Variants in SLC20A2 observed in about 807,000 individuals in gnomAD.
The protein encoded by SLC20A2 is sodium-dependent phosphate transporter 2.
A neutral mutation model predicts 61.0 loss-of-function variants in SLC20A2; 30 were observed. The ratio of observed to expected loss-of-function variants is 0.49; its 90% confidence interval spans 0.37 to 0.67. SLC20A2 has a LOEUF of 0.67. Ranked by LOEUF, SLC20A2 falls within the 30% of genes least tolerant of loss-of-function variation. SLC20A2 has a pLI of 0.00. For synonymous variants in SLC20A2, 351 were observed against 353.3 expected, an observed-to-expected ratio of 0.99 and a Z score of 0.07; for missense variants, 626 against 866.4, an observed-to-expected ratio of 0.72 and a Z score of 3.48.
At chr8:42,455,845 A>G (rs1477820662) in intron 5 of SLC20A2, among the ~76,000 whole-genome samples, 1 of 152,182 alleles carries the variant, frequency 6.6e-6, no homozygotes, top group Non-Finnish European at 1.5e-5. Context: ...GACCTTGGGT[A>G]TTCAGCATTG....
At chr8:42,480,116 G>A (rs1312665522) in intron 1 of SLC20A2, among the ~76,000 whole-genome samples, 1 of 152,184 alleles carries the variant, frequency 6.6e-6, no homozygotes, top group Non-Finnish European at 1.5e-5. Context: ...GAAATATTAG[G>A]TAGCCACTAC....
chr8:42,481,846 CCT>C (rs1808577541), intron 1 of SLC20A2, among the ~76,000 whole-genome samples: 1 of 152,172 alleles, frequency 6.6e-6, no homozygotes, highest in Non-Finnish European at 1.5e-5. Context: ...CCTTCCCTGC[CCT>C]TTTTCCTTCC....
intron 6 of SLC20A2, 106 bp from the exon 7 acceptor site, chr8:42,439,759 G>A: frequency 3.4e-6 from 3 of 889,484 alleles, no homozygotes; most frequent in African/African-American, 3.4e-5. Context: ...CACTGATTTT[G>A]GAAACAAAAA....
intron 1 of SLC20A2, among the ~76,000 whole-genome samples, chr8:42,512,062 G>A (rs1201486082): frequency 6.6e-6 from 1 of 152,138 alleles, no homozygotes; most frequent in African/African-American, 2.4e-5. Flanking sequence ...GATAGTCATG[G>A]TTGATTGTAG....
chr8:42,485,855 A>C (rs972283034), intron 1 of SLC20A2, among the ~76,000 whole-genome samples: 2 of 151,456 alleles, frequency 1.3e-5, no homozygotes, highest in Non-Finnish European at 2.9e-5. Context: ...CTGAGGCAGG[A>C]GAATCGCTTG....
intron 1 of SLC20A2, among the ~76,000 whole-genome samples, chr8:42,486,001 G>C (rs1030281831): frequency 6.6e-6 from 1 of 151,334 alleles, no homozygotes; most frequent in African/African-American, 2.4e-5. Flanking sequence ...GGTCAGCATA[G>C]AGCTTTCTTA....
chr8:42,533,481 T>C (rs1050284154), intron 1 of SLC20A2, among the ~76,000 whole-genome samples: 2 of 151,848 alleles, frequency 1.3e-5, no homozygotes, highest in Non-Finnish European at 2.9e-5. Context: ...CTGGGCTTAG[T>C]GGCGCATGCC....
rs377362425 is a variant in SLC20A2, at chr8:42,537,927, T to C, written c.-265+3894A>G. On this transcript the variant is annotated intron_variant, in intron 1 of 10. Coordinates refer to the SLC20A2 transcript ENST00000342228. ...CCTCTGGAGCCAGACTGCCTACTTA[T>C]GATTTCCGGTACGATCTTGAGCAAC... The C allele has an allele frequency of 7.2e-5, 11 of 152,346 alleles. No individual in the cohort carries two copies. In the South Asian group the frequency reaches 1.5e-3, roughly 20 times the overall value. The allele number at this position is 152,346 out of a possible 1,614,324, so 9.4% of individuals were successfully genotyped here. A position where few individuals can be genotyped will look rare whatever the true frequency, so the allele number is the denominator to read the frequency against.
intron 5 of SLC20A2, 101 bp downstream of exon 5, chr8:42,459,795 A>C (rs1395336446): frequency 1.3e-6 from 1 of 752,908 alleles, no homozygotes; most frequent in African/African-American, 1.7e-5. Flanking sequence ...ACCATGAGTA[A>C]TGCTTTTTAC....
chr8:42,523,726 G>A (rs1252924035), intron 1 of SLC20A2, among the ~76,000 whole-genome samples: 1 of 152,096 alleles, frequency 6.6e-6, no homozygotes, highest in African/African-American at 2.4e-5. Flanking sequence ...CAACATGTTG[G>A]TTTTCTTAGA....
chr8:42,455,331 G>A (rs967612606), intron 5 of SLC20A2, among the ~76,000 whole-genome samples: 3 of 143,948 alleles, frequency 2.1e-5, no homozygotes, highest in African/African-American at 7.8e-5. Flanking sequence ...TATACCAGAA[G>A]ACATTTTAAA....
rs116687117 is a variant in SLC20A2 at position 42,444,698 on chromosome 8, G to A, written c.678C>T (p.Phe226=). The change falls in exon 6 of 11, where the codon TTC becomes TTT. Residue 226 remains phenylalanine, a synonymous_variant. Coordinates refer to ENST00000520262, the MANE Select transcript of SLC20A2 (RefSeq NM_001257180.2). ...ALISFGVALL[F]AFFVWLFVCP... Reference sequence around the variant, plus strand: ...ACACGAAGAGCCACACAAAAAAAGCGAACAGGAGGGCGACACCAAAGGAAA... The same window carrying A: ...ACACGAAGAGCCACACAAAAAAAGCAAACAGGAGGGCGACACCAAAGGAAA... 108 of 1,613,938 alleles carry A rather than the reference G, an allele frequency of 6.7e-5. 2 individuals carry two copies. Among genetic ancestry groups the A allele is most frequent in the South Asian group, 3.6e-4 (33 of 91,064 alleles).
chr8:42,513,100 C>G (rs1369812683), intron 1 of SLC20A2, among the ~76,000 whole-genome samples: 1 of 152,162 alleles, frequency 6.6e-6, no homozygotes, highest in Non-Finnish European at 1.5e-5. Flanking sequence ...TCACATTTAA[C>G]TTGCCATTCT....
intron 1 of SLC20A2, among the ~76,000 whole-genome samples, chr8:42,536,036 C>T (rs1451214858): frequency 6.6e-5 from 10 of 152,138 alleles, no homozygotes; most frequent in Non-Finnish European, 1.5e-4. Context: ...CTAAAAGTTT[C>T]CCATTCAGGG....
At chr8:42,484,325 G>A (rs764870353) in intron 1 of SLC20A2, among the ~76,000 whole-genome samples, 50 of 152,138 alleles carry the variant, frequency 3.3e-4, no homozygotes, top group Non-Finnish European at 4.7e-4. Flanking sequence ...TCCCAAGAGC[G>A]TTCATTTGAT....
At chr8:42,482,488 G>A (rs902903964) in intron 1 of SLC20A2, among the ~76,000 whole-genome samples, 5 of 152,144 alleles carry the variant, frequency 3.3e-5, no homozygotes, top group African/African-American at 9.7e-5. Context: ...TAGGCTGGGC[G>A]AGGTGGTTCA....
At chr8:42,488,937 T>G (rs999070298) in intron 1 of SLC20A2, among the ~76,000 whole-genome samples, 3 of 57,466 alleles carry the variant, frequency 5.2e-5, no homozygotes, top group South Asian at 5.6e-4. Context: ...GGAGTTTTGT[T>G]TTTTTTTTTT....
At chr8:42,447,151 G>A (rs190849782) in intron 5 of SLC20A2, among the ~76,000 whole-genome samples, 9 of 151,784 alleles carry the variant, frequency 5.9e-5, no homozygotes, top group Admixed American at 2.0e-4. Context: ...AGACCATCCT[G>A]AGCAACATAG....
chr8:42,534,148 C>T (rs1812557768), intron 1 of SLC20A2, among the ~76,000 whole-genome samples: 1 of 151,828 alleles, frequency 6.6e-6, no homozygotes, highest in Non-Finnish European at 1.5e-5. Context: ...GAAACCTGTT[C>T]TCTACTAAAA....
Sources: gnomAD v4.1 joint callset for allele counts (sites outside exome capture counted in the v4.1 genomes callset) on GRCh38, gnomAD v4.1.1 for gene constraint, MANE v1.5 for transcripts, NCBI Gene and HGNC (gene_info 2026-07-23, HGNC 2026-07-21) for gene names.